Variants in DSCAM observed in about 807,000 individuals in gnomAD.
DSCAM encodes DS cell adhesion molecule, also known as cell adhesion molecule DSCAM.
Under a neutral mutation model 217.7 loss-of-function variants are expected in DSCAM, and 47 were observed. That is an observed-to-expected ratio of 0.22 (90% confidence interval 0.17 to 0.28). The LOEUF is 0.28. Ranked by LOEUF, DSCAM falls within the 10% of genes least tolerant of loss-of-function variation. The pLI is 1.00. For synonymous variants in DSCAM, 1,056 were observed against 1,015.3 expected (o/e 1.04, Z -0.76); for missense variants, 2,080 against 2,618.3 (o/e 0.79, Z 4.49).
intron 3 of DSCAM, among the ~76,000 whole-genome samples, chr21:40,447,038 T>A (rs1339161315): frequency 6.6e-6 from 1 of 152,208 alleles, no homozygotes; most frequent in Non-Finnish European, 1.5e-5. Context: ...GTTCCTGTGC[T>A]GTGCTTATTC....
At chr21:40,086,000 A>G (rs1310964727) in intron 22 of DSCAM, among the ~76,000 whole-genome samples, 2 of 152,244 alleles carry the variant, frequency 1.3e-5, no homozygotes, top group Non-Finnish European at 2.9e-5. Context: ...TCAAGGGCCC[A>G]GATTCTGGCT....
At chr21:40,171,100 C>T (rs908457592) in intron 15 of DSCAM, among the ~76,000 whole-genome samples, 6 of 152,138 alleles carry the variant, frequency 3.9e-5, no homozygotes, top group East Asian at 1.9e-4. Context: ...TTTCTTGAGA[C>T]AGGGTCTCAC....
chr21:40,370,328 C>T (rs375137770), intron 3 of DSCAM, among the ~76,000 whole-genome samples: 1 of 151,160 alleles, frequency 6.6e-6, no homozygotes, highest in East Asian at 1.9e-4. Context: ...ACACCTCCTG[C>T]CACCGTTAGA....
chr21:40,360,067 G>C (rs1192172045), intron 4 of DSCAM, among the ~76,000 whole-genome samples: 1 of 150,860 alleles, frequency 6.6e-6, no homozygotes, highest in East Asian at 1.9e-4. Context: ...GTGATGCTGA[G>C]GTTTGGAGTA....
chr21:40,131,038 A>G (rs2090149677), intron 19 of DSCAM, among the ~76,000 whole-genome samples: 1 of 152,232 alleles, frequency 6.6e-6, no homozygotes, highest in Non-Finnish European at 1.5e-5. Context: ...CTAAAATAGT[A>G]TCTTATTGAG....
At chr21:40,508,275 T>G (rs147176038) in intron 3 of DSCAM, among the ~76,000 whole-genome samples, 70 of 152,174 alleles carry the variant, frequency 4.6e-4, no homozygotes, top group African/African-American at 1.6e-3. Flanking sequence ...AGAAAAGAAA[T>G]AAATCAATAA....
intron 3 of DSCAM, among the ~76,000 whole-genome samples, chr21:40,375,751 G>A (rs1272299822): frequency 6.6e-6 from 1 of 152,162 alleles, no homozygotes; most frequent in African/African-American, 2.4e-5. Flanking sequence ...TTTGTTGAAT[G>A]CATGCATGGG....
At chr21:40,631,543 G>A (rs1258182382) in intron 3 of DSCAM, among the ~76,000 whole-genome samples, 2 of 152,194 alleles carry the variant, frequency 1.3e-5, no homozygotes, top group African/African-American at 2.4e-5. Flanking sequence ...AGACTTCCCA[G>A]TATTGGGTCT....
chr21:40,117,723 T>A (rs1216530614), intron 20 of DSCAM, among the ~76,000 whole-genome samples: 2 of 152,180 alleles, frequency 1.3e-5, no homozygotes, highest in Non-Finnish European at 2.9e-5. Flanking sequence ...GTTTGTGGTG[T>A]GCGAGTACTT....
chr21:40,371,673 G>A (rs993770757), intron 3 of DSCAM, among the ~76,000 whole-genome samples: 7 of 152,114 alleles, frequency 4.6e-5, no homozygotes, highest in Non-Finnish European at 1.0e-4. Context: ...ACCCACTTAC[G>A]TTAAATAAGG....
rs536098443 is a variant in DSCAM, at chr21:40,106,859, C to G, written c.3697-12985G>C. Reference sequence around the variant, plus strand: ...GATTGTACTTGTTTGAATCTTGTCACTTTTTTTCTTTATTATCCTAGCTAG... The same window carrying G: ...GATTGTACTTGTTTGAATCTTGTCAGTTTTTTTCTTTATTATCCTAGCTAG... On this transcript the variant is annotated intron_variant, in intron 20 of 32. Transcript: ENST00000400454. 2.0e-5 allele frequency among the ~76,000 whole-genome samples: 3 copies of G among 150,742 alleles called. No individual in the cohort carries two copies. The East Asian group carries it at 5.9e-4, about 29-fold the overall frequency.
intron 4 of DSCAM, among the ~76,000 whole-genome samples, chr21:40,361,443 A>T (rs1236017871): frequency 6.6e-6 from 1 of 152,056 alleles, no homozygotes; most frequent in Non-Finnish European, 1.5e-5. Context: ...ACATGGTGAA[A>T]CCCTGTCTCT....
At chr21:40,338,887 C>A (rs1423047844) in intron 7 of DSCAM, among the ~76,000 whole-genome samples, 1 of 152,156 alleles carries the variant, frequency 6.6e-6, no homozygotes, top group Non-Finnish European at 1.5e-5. Context: ...AAGGAAACAT[C>A]AGGTGAACAG....
chr21:40,572,075 TGTGTGTGTGG>T lies in DSCAM; in HGVS notation c.508+120725_508+120734del, dbSNP rs1459452213. ...CTTGGGATAAGGGATACTCAACATG[TGTGTGTGTGG>T]GTGTGTGTGTGTGTGTGTGTGTGTG... On this transcript the variant is annotated intron_variant, in intron 3 of 32. Coordinates refer to ENST00000400454, the MANE Select transcript of DSCAM (RefSeq NM_001389.5). Among the ~76,000 whole-genome samples the T allele has an allele frequency of 3.6e-5, 4 of 110,304 alleles. No homozygotes were observed. In the East Asian group the frequency reaches 8.7e-4, roughly 24 times the overall value. 72.4% of individuals were successfully genotyped at this position (110,304 alleles called of 152,430 possible).
intron 1 of DSCAM, among the ~76,000 whole-genome samples, chr21:40,839,818 C>T (rs574713281): frequency 6.6e-6 from 1 of 152,198 alleles, no homozygotes; most frequent in South Asian, 2.1e-4. Flanking sequence ...ATCTTACTCA[C>T]TGTCTTCTCA....
In DSCAM at chr21:40,198,267, C is replaced by A. The variant is rs537093746; in HGVS notation, c.2357-9029G>T. Among the ~76,000 whole-genome samples the A allele has an allele frequency of 6.6e-5, 10 of 152,280 alleles. No individual in the cohort carries two copies. The South Asian group carries it at 2.1e-3, about 32-fold the overall frequency. On this transcript the variant is annotated intron_variant, in intron 11 of 32. Transcript: ENST00000400454. ...AAAATATAAAGCTTTTTCCTTCCTTCTGTGGTCTCCCTCTCTCCCTCTGTC... is the reference window on the plus strand; with the variant it reads ...AAAATATAAAGCTTTTTCCTTCCTTATGTGGTCTCCCTCTCTCCCTCTGTC...
At chr21:40,023,018 TCCCCTCC>T (rs573551065) in intron 32 of DSCAM, among the ~76,000 whole-genome samples, 1 of 140,524 alleles carries the variant, frequency 7.1e-6, no homozygotes, top group Non-Finnish European at 1.5e-5. Flanking sequence ...GCTATCCCTC[TCCCCTCC>T]CCCCACCCCA....
At chr21:40,594,543 T>C (rs463439) in intron 3 of DSCAM, among the ~76,000 whole-genome samples, 50,615 of 152,086 alleles carry the variant, frequency 0.33, 8,635 homozygotes, top group South Asian at 0.46. Context: ...ATAACAGCTG[T>C]CAGGCCATTA....
chr21:40,424,647 C>T (rs973824153), intron 3 of DSCAM, among the ~76,000 whole-genome samples: 8 of 152,118 alleles, frequency 5.3e-5, no homozygotes, highest in African/African-American at 1.7e-4. Context: ...ACACAATTTA[C>T]TTCAGATTAA....
Sources: gnomAD v4.1 joint callset for allele counts (sites outside exome capture counted in the v4.1 genomes callset) on GRCh38, gnomAD v4.1.1 for gene constraint, MANE v1.5 for transcripts, NCBI Gene and HGNC (gene_info 2026-07-23, HGNC 2026-07-21) for gene names.